Variants in FER observed in about 807,000 individuals in gnomAD.
FER encodes the protein FER tyrosine kinase, also known as tyrosine-protein kinase Fer.
FER carries 63 observed loss-of-function variants against 111.0 expected under a neutral mutation model. The ratio of observed to expected loss-of-function variants is 0.57; its 90% CI spans 0.46 to 0.70. The LOEUF (loss-of-function observed/expected upper bound fraction) is 0.70. Among genes scored for constraint, FER ranks in the 30% least tolerant of loss-of-function variants. The pLI, the probability that FER is intolerant of heterozygous loss-of-function variation, is 0.00. For synonymous variants in FER, 327 were observed against 313.9 expected, an observed-to-expected ratio of 1.04 and a Z score of -0.44; for missense variants, 914 against 954.0, an observed-to-expected ratio of 0.96 and a Z score of 0.55.
intron 13 of FER, among the ~76,000 whole-genome samples, chr5:109,004,895 G>C (rs1765293167): frequency 1.3e-5 from 2 of 151,824 alleles, no homozygotes; most frequent in Admixed American, 1.3e-4. Flanking sequence ...TTACCAAATG[G>C]TTCAAATGAA....
At chr5:109,099,333 T>TA (rs1197151494) in intron 16 of FER, among the ~76,000 whole-genome samples, 5 of 151,550 alleles carry the variant, frequency 3.3e-5, no homozygotes, top group Non-Finnish European at 7.4e-5. Flanking sequence ...CTAGTGCTTC[T>TA]AAAAAACTGA....
At chr5:108,925,620 A>T (rs1360168022) in intron 10 of FER, among the ~76,000 whole-genome samples, 3 of 152,046 alleles carry the variant, frequency 2.0e-5, no homozygotes, top group Admixed American at 2.0e-4. Context: ...ATATTAGGAA[A>T]ACCTAATTCT....
chr5:109,097,101 G>A (rs572371031), intron 16 of FER, among the ~76,000 whole-genome samples: 9 of 151,374 alleles, frequency 5.9e-5, no homozygotes, highest in Non-Finnish European at 8.9e-5. Context: ...CTTCAAAGCC[G>A]TCTTGAGAAA....
At chr5:108,863,728 AATAG>A (rs1763756278) in intron 5 of FER, among the ~76,000 whole-genome samples, 1 of 152,308 alleles carries the variant, frequency 6.6e-6, no homozygotes, top group African/African-American at 2.4e-5. Flanking sequence ...AAAAAATTCA[AATAG>A]ATTAGAATTT....
chr5:109,099,708 T>A (rs185824247), intron 16 of FER, among the ~76,000 whole-genome samples: 130 of 151,718 alleles, frequency 8.6e-4, no homozygotes, highest in South Asian at 1.9e-3. Flanking sequence ...AAAAATTTTT[T>A]AAAAATGTGG....
At chr5:108,936,064 G>A (rs1396709644) in intron 10 of FER, among the ~76,000 whole-genome samples, 1 of 152,016 alleles carries the variant, frequency 6.6e-6, no homozygotes, top group Non-Finnish European at 1.5e-5. Context: ...TTGTATTAAA[G>A]CTGAATTTAA....
chr5:108,977,794 C>G (rs1232972393), intron 13 of FER, among the ~76,000 whole-genome samples: 1 of 152,176 alleles, frequency 6.6e-6, no homozygotes, highest in East Asian at 1.9e-4. Flanking sequence ...GCTATCTCAG[C>G]TGAGGCCTTC....
At chr5:108,883,623 C>T (rs201132790) in intron 9 of FER, 105 bp downstream of exon 9, 11 of 637,608 alleles carry the variant, frequency 1.7e-5, no homozygotes, top group Admixed American at 4.5e-5. Flanking sequence ...GAAACAGAAA[C>T]TTTTATTTTA....
In FER at chr5:108,834,002, A is replaced by G. The variant is rs182654434; in HGVS notation, c.381+1059A>G. 3.6e-3 allele frequency among the ~76,000 whole-genome samples: 551 copies of G among 151,158 alleles called. 2 individuals are homozygous for G. Among genetic ancestry groups the G allele is most frequent in the Middle Eastern group, 0.01 (3 of 294 alleles). ...GTTTTTTTATAGTTGGTTGGTTTCA[A>G]TCAGGATCCAAATACCATCTATACC... is the stretch of plus-strand genomic sequence containing the variant. On this transcript the variant is annotated intron_variant, in intron 4 of 19. Transcript: ENST00000281092.
At chr5:109,097,658 C>G (rs1160135643) in intron 16 of FER, among the ~76,000 whole-genome samples, 2 of 151,892 alleles carry the variant, frequency 1.3e-5, no homozygotes, top group Admixed American at 6.6e-5. Flanking sequence ...CATCTGATAT[C>G]AGCCTTCAGT....
chr5:108,814,817 T>C (rs1007740461), intron 3 of FER, among the ~76,000 whole-genome samples: 36 of 152,184 alleles, frequency 2.4e-4, no homozygotes, highest in African/African-American at 8.4e-4. Flanking sequence ...TATTTTGAAG[T>C]GTGTACATTC....
At chr5:109,030,289 C>G (rs1335612210) in intron 13 of FER, among the ~76,000 whole-genome samples, 2 of 152,084 alleles carry the variant, frequency 1.3e-5, no homozygotes, top group Non-Finnish European at 1.5e-5. Flanking sequence ...TCAGGTAATT[C>G]CAACATCAGA....
At chr5:108,842,688 A>G (rs181929656) in intron 5 of FER, 1 of 152,226 alleles carries the variant, frequency 6.6e-6, no homozygotes. Flanking sequence ...CAAAACCACA[A>G]TGTGATACCT....
intron 17 of FER, among the ~76,000 whole-genome samples, chr5:109,167,013 G>A (rs184205683): frequency 6.6e-6 from 1 of 152,222 alleles, no homozygotes; most frequent in East Asian, 1.9e-4. Context: ...TATCACACCT[G>A]TGAGAGCCTA....
At chr5:108,953,658 A>G (rs1758049649) in intron 11 of FER, among the ~76,000 whole-genome samples, 3 of 152,190 alleles carry the variant, frequency 2.0e-5, no homozygotes, top group Admixed American at 2.0e-4. Flanking sequence ...CTTACTACAA[A>G]ATTACCATAC....
chr5:108,796,201 C>T (rs1031353106), intron 2 of FER, among the ~76,000 whole-genome samples: 1 of 152,150 alleles, frequency 6.6e-6, no homozygotes, highest in Non-Finnish European at 1.5e-5. Flanking sequence ...ACTCTTGTTC[C>T]CTTTCGTTAC....
At position 109,095,131 on chromosome 5, in the gene FER, C is replaced by T. The variant is rs547604133; in HGVS notation, c.1925-5265C>T. ...TCTAGTGTTAGCAGAACATGACCATCGATGAACCTCATCTGAAAAGACTGA... is the reference window on the plus strand; with the variant it reads ...TCTAGTGTTAGCAGAACATGACCATTGATGAACCTCATCTGAAAAGACTGA... On this transcript the variant is annotated intron_variant, in intron 16 of 19. Transcript: ENST00000281092. 8.5e-5 allele frequency among the ~76,000 whole-genome samples: 13 copies of T among 152,198 alleles called. No homozygotes were observed. In the South Asian group the frequency reaches 2.5e-3, roughly 29 times the overall value.
At chr5:109,038,621 A>G (rs1770727574) in intron 14 of FER, among the ~76,000 whole-genome samples, 1 of 152,018 alleles carries the variant, frequency 6.6e-6, no homozygotes, top group African/African-American at 2.4e-5. Context: ...AGCTAAAAGC[A>G]GTGACTCATA....
rs139372149 is a variant in FER at position 109,034,391 on chromosome 5, G to A, written c.1657-3031G>A. On this transcript the variant is annotated intron_variant, in intron 13 of 19. Coordinates refer to ENST00000281092, the MANE Select transcript of FER (RefSeq NM_005246.4). ...AGGTAGGCTTACTTCTTTTCATTTC[G>A]AGGTTACTTTTTCTACCACAGTGTG... Among the ~76,000 whole-genome samples the A allele has an allele frequency of 5.9e-5, 9 of 152,050 alleles. No homozygotes were observed. In the East Asian group the frequency reaches 1.7e-3, roughly 29 times the overall value.
Sources: allele counts gnomAD v4.1 joint callset (sites outside exome capture counted in the v4.1 genomes callset), GRCh38; gene constraint gnomAD v4.1.1; transcripts MANE v1.5; gene names NCBI Gene and HGNC (gene_info 2026-07-23, HGNC 2026-07-21).